The following RFX3 variants were observed in gnomAD, a reference collection of about 807,000 sequenced individuals.
The protein encoded by RFX3 is transcription factor RFX3.
A neutral mutation model predicts 98.6 loss-of-function variants in RFX3; 14 were observed. The ratio of observed to expected loss-of-function variants is 0.14; its 90% confidence interval spans 0.09 to 0.22. RFX3 has a LOEUF of 0.22. RFX3 is among the 10% of genes least tolerant of loss of function. The pLI, the probability that RFX3 is intolerant of heterozygous loss-of-function variation, is 1.00. For synonymous variants in RFX3, 383 were observed against 328.4 expected, an observed-to-expected ratio of 1.17 and a Z score of -1.80; for missense variants, 639 against 926.9, an observed-to-expected ratio of 0.69 and a Z score of 4.03.
chr9:3,464,178 AG>A (rs1847982469), intron 1 of RFX3, among the ~76,000 whole-genome samples: 1 of 152,226 alleles, frequency 6.6e-6, no homozygotes, highest in Non-Finnish European at 1.5e-5. Context: ...AGCAACTGCC[AG>A]GAATGCAAAA....
intron 1 of RFX3, among the ~76,000 whole-genome samples, chr9:3,505,742 A>C (rs577309423): frequency 6.0e-5 from 9 of 151,076 alleles, no homozygotes; most frequent in Admixed American, 2.7e-4. Flanking sequence ...TAAAATTACA[A>C]CCTTCTCCAC....
At chr9:3,347,014 C>G (rs534833841) in intron 2 of RFX3, among the ~76,000 whole-genome samples, 1 of 152,190 alleles carries the variant, frequency 6.6e-6, no homozygotes, top group East Asian at 1.9e-4. Context: ...TTCAACTGTT[C>G]AGGTTTAAAA....
At chr9:3,310,222 T>C (rs895506692) in intron 4 of RFX3, among the ~76,000 whole-genome samples, 11 of 152,156 alleles carry the variant, frequency 7.2e-5, no homozygotes, top group African/African-American at 2.2e-4. Context: ...ATGATTTACA[T>C]GGAACCAAAA....
intron 4 of RFX3, among the ~76,000 whole-genome samples, chr9:3,327,608 A>T (rs1832069920): frequency 6.6e-6 from 1 of 151,964 alleles, no homozygotes; most frequent in African/African-American, 2.4e-5. Context: ...TTTCTTATTT[A>T]AAAAAACGCA....
At chr9:3,327,940 C>A (rs1002951319) in intron 4 of RFX3, among the ~76,000 whole-genome samples, 5 of 151,860 alleles carry the variant, frequency 3.3e-5, no homozygotes, top group African/African-American at 1.2e-4. Flanking sequence ...AGCAATGCAA[C>A]TGTATTTACA....
intron 4 of RFX3, among the ~76,000 whole-genome samples, chr9:3,308,383 G>A (rs187042522): frequency 6.6e-6 from 1 of 152,162 alleles, no homozygotes; most frequent in South Asian, 2.1e-4. Flanking sequence ...AAGATGAAGA[G>A]GGGGATTCAG....
intron 2 of RFX3, among the ~76,000 whole-genome samples, chr9:3,391,871 G>A (rs1202367862): frequency 1.3e-5 from 2 of 152,162 alleles, no homozygotes; most frequent in Non-Finnish European, 2.9e-5. Context: ...AATGTTTGGA[G>A]GTTTGTTCTT....
At chr9:3,282,409 A>C (rs16916423) in intron 7 of RFX3, among the ~76,000 whole-genome samples, 21,417 of 151,716 alleles carry the variant, frequency 0.14, 1,613 homozygotes, top group Middle Eastern at 0.22. Flanking sequence ...TTACATCTAT[A>C]ATCGGGCAAG....
At chr9:3,413,362 T>C (rs1842623140) in intron 1 of RFX3, among the ~76,000 whole-genome samples, 1 of 152,144 alleles carries the variant, frequency 6.6e-6, no homozygotes, top group Non-Finnish European at 1.5e-5. Context: ...TTTATGTTCC[T>C]TCTCAAGGAT....
At chr9:3,462,220 T>C (rs182450748) in intron 1 of RFX3, among the ~76,000 whole-genome samples, 131 of 152,168 alleles carry the variant, frequency 8.6e-4, no homozygotes, top group African/African-American at 3.1e-3. Context: ...AACATACATA[T>C]AAACAGATAA....
intron 2 of RFX3, among the ~76,000 whole-genome samples, chr9:3,367,299 T>C (rs548839297): frequency 2.6e-5 from 4 of 152,210 alleles, no homozygotes; most frequent in East Asian, 3.9e-4. Context: ...AGGCAGCCTC[T>C]AGGAGTGGGG....
intron 15 of RFX3, among the ~76,000 whole-genome samples, chr9:3,244,696 G>C (rs577132059): frequency 3.7e-4 from 57 of 152,152 alleles, no homozygotes; most frequent in Non-Finnish European, 7.4e-4. Context: ...TCACTTCCTT[G>C]GGAAAGACTT....
rs1194001695 is a variant in RFX3, at chr9:3,247,686, T to C, written c.1968+346A>G. ...TACATATTTAATCCTTTCCATTGTA[T>C]TCCCAGCCCTTTGCTTTATCAGGAG... is the stretch of plus-strand genomic sequence containing the variant. On this transcript the variant is annotated intron_variant, in intron 15 of 16. Coordinates refer to ENST00000617270, the MANE Select transcript of RFX3 (RefSeq NM_001282116.2). The C allele has an allele frequency of 6.1e-6, 9 of 1,479,772 alleles. No homozygotes were observed. The South Asian group carries it at 1.1e-4, about 18-fold the overall frequency. 91.7% of individuals were successfully genotyped at this position (1,479,772 alleles called of 1,614,324 possible).
At chr9:3,460,305 A>G (rs548567546) in intron 1 of RFX3, among the ~76,000 whole-genome samples, 14 of 152,174 alleles carry the variant, frequency 9.2e-5, no homozygotes, top group Non-Finnish European at 1.9e-4. Context: ...AAAATGCTCA[A>G]TTTTCTTATG....
intron 2 of RFX3, among the ~76,000 whole-genome samples, chr9:3,362,948 A>G (rs1670560228): frequency 6.6e-6 from 1 of 151,938 alleles, no homozygotes; most frequent in Non-Finnish European, 1.5e-5. Context: ...ACAAAACAGG[A>G]TAGATATTAC....
intron 1 of RFX3, among the ~76,000 whole-genome samples, chr9:3,469,910 T>C (rs1375795563): frequency 1.3e-5 from 2 of 151,846 alleles, no homozygotes; most frequent in Non-Finnish European, 2.9e-5. Flanking sequence ...AAGGAAGCCT[T>C]TTCGAAGTAC....
At position 3,248,055 on chromosome 9, in the gene RFX3, T is replaced by A. The variant is rs1290547760; in HGVS notation, c.1945A>T (p.Thr649Ser). 1 of 1,613,866 alleles carries A rather than the reference T, an allele frequency of 6.2e-7. No homozygotes were observed. The highest frequency in any genetic ancestry group is 1.1e-5 in the South Asian group (1 of 91,078). ...ACCTCGCCCATGACTGCTATAGGAGTCTCTCCTGTTGCCTGAGCAACACGA... is the reference window on the plus strand; with the variant it reads ...ACCTCGCCCATGACTGCTATAGGAGACTCTCCTGTTGCCTGAGCAACACGA... ...EHRVAQATGE[T>S]PIAVMGEFGD... Residue 649 changes from threonine to serine, a missense_variant, in exon 15 of 17, where the codon ACT becomes TCT. Transcript: ENST00000617270.
At chr9:3,226,496 A>C (rs1817791255) in intron 16 of RFX3, among the ~76,000 whole-genome samples, 1 of 152,202 alleles carries the variant, frequency 6.6e-6, no homozygotes, top group Non-Finnish European at 1.5e-5. Context: ...TTTGTGATTA[A>C]ACAGCTGGAG....
At chr9:3,404,100 T>C (rs980704139) in intron 1 of RFX3, among the ~76,000 whole-genome samples, 10 of 152,106 alleles carry the variant, frequency 6.6e-5, no homozygotes, top group African/African-American at 2.4e-4. Context: ...ATAGAAACAA[T>C]ATACCCCATT....
Sources: gnomAD v4.1 joint callset for allele counts (sites outside exome capture counted in the v4.1 genomes callset) on GRCh38, gnomAD v4.1.1 for gene constraint, MANE v1.5 for transcripts, NCBI Gene and HGNC (gene_info 2026-07-23, HGNC 2026-07-21) for gene names.